The following STPG1 variants were observed in gnomAD, a reference collection of about 807,000 sequenced individuals.
The protein encoded by STPG1 is sperm tail PG-rich repeat containing 1, also known as O(6)-methylguanine-induced apoptosis 2.
In STPG1, 33 loss-of-function variants were observed where a neutral mutation model predicts 40.1. The ratio of observed to expected loss-of-function variants is 0.82; its 90% CI spans 0.62 to 1.10. STPG1 has a LOEUF of 1.10. Among genes scored for constraint, STPG1 ranks in the 50% least tolerant of loss-of-function variants. The pLI, the probability that STPG1 is intolerant of heterozygous loss-of-function variation, is 0.00. For missense variants in STPG1, 396 were observed against 415.1 expected, an observed-to-expected ratio of 0.95 and a Z score of 0.40; for synonymous variants, 150 against 155.0, an observed-to-expected ratio of 0.97 and a Z score of 0.24.
intron 1 of STPG1, among the ~76,000 whole-genome samples, chr1:24,405,177 C>T (rs183598511): frequency 3.0e-4 from 46 of 152,236 alleles, no homozygotes; most frequent in Non-Finnish European, 5.0e-4. Context: ...AGGCTGGTCT[C>T]GAACTCCTGA....
rs373502693 is a variant in STPG1, at chr1:24,385,318, T to C, written c.190-1315A>G. On this transcript the variant is annotated intron_variant, in intron 3 of 8. Transcript: ENST00000337248. Reference sequence around the variant, plus strand: ...TGGGAGGTGACGACAGGGGTGCTGATTCCTGCTTTAGGTGAGAATGATCCC... The same window carrying C: ...TGGGAGGTGACGACAGGGGTGCTGACTCCTGCTTTAGGTGAGAATGATCCC... 2.6e-5 allele frequency among the ~76,000 whole-genome samples: 4 copies of C among 152,352 alleles called. No homozygotes were observed. The East Asian group carries it at 5.8e-4, about 22-fold the overall frequency.
chr1:24,392,723 G>A (rs771554456), intron 2 of STPG1, among the ~76,000 whole-genome samples: 7 of 152,146 alleles, frequency 4.6e-5, no homozygotes, highest in Admixed American at 6.5e-5. Context: ...GTGTGGCACC[G>A]TAAGTCTTGA....
chr1:24,389,785 A>AATG (rs1230607383), intron 3 of STPG1, among the ~76,000 whole-genome samples: 3 of 152,198 alleles, frequency 2.0e-5, no homozygotes, highest in Non-Finnish European at 4.4e-5. Context: ...AAAGAGCCAA[A>AATG]CAGTTAAAAC....
intron 1 of STPG1, among the ~76,000 whole-genome samples, chr1:24,403,948 T>C (rs1009805488): frequency 2.0e-5 from 3 of 152,196 alleles, no homozygotes; most frequent in African/African-American, 7.2e-5. Flanking sequence ...CTTTTTATTG[T>C]AATACTGCAA....
intron 3 of STPG1, among the ~76,000 whole-genome samples, chr1:24,390,296 G>T (rs897727654): frequency 6.6e-6 from 1 of 152,164 alleles, no homozygotes; most frequent in East Asian, 1.9e-4. Context: ...AAATCCCAAA[G>T]ATTAAATAAG....
rs201740000 is a variant in STPG1, at chr1:24,373,768, G to A, written c.505C>T (p.Arg169Ter). Residue 169 changes from arginine to a stop codon, truncating the protein, a stop_gained, in exon 6 of 9, where the codon CGA becomes TGA. Coordinates refer to ENST00000337248, the MANE Select transcript of STPG1 (RefSeq NM_001199013.2). LOFTEE classifies it high-confidence loss of function. ...CCKQRNNVCTRAGFMSKTQRG... is the reference protein window; with the variant it reads ...CCKQRNNVCT Reference sequence around the variant, plus strand: ...TGGGTTTTTGACATAAACCCGGCTCGAGTACAGACGTTGTTTCTCTGCTTG... The same window carrying A: ...TGGGTTTTTGACATAAACCCGGCTCAAGTACAGACGTTGTTTCTCTGCTTG... 4 of 1,611,968 alleles carry A rather than the reference G, an allele frequency of 2.5e-6. No individual in the cohort carries two copies. The highest frequency in any genetic ancestry group is 3.4e-6 in the Non-Finnish European group (4 of 1,178,114).
intron 3 of STPG1, among the ~76,000 whole-genome samples, chr1:24,389,400 G>A (rs112741415): frequency 1.3e-5 from 2 of 152,238 alleles, no homozygotes; most frequent in African/African-American, 2.4e-5. Flanking sequence ...AAAGGCAGGT[G>A]TGGTGCAGTG....
In STPG1 at chr1:24,384,021, G is replaced by A; in HGVS notation, c.190-18C>T. ...ATATCATTCTGAAAGGGAAGAGAAG[G>A]TGGTGTCATCGAGATACTTCAATTC... is the stretch of plus-strand genomic sequence containing the variant. On this transcript the variant is annotated intron_variant, in intron 3 of 8. Coordinates refer to ENST00000337248, the MANE Select transcript of STPG1 (RefSeq NM_001199013.2). 2.0e-6 allele frequency: 3 copies of A among 1,501,430 alleles called. No homozygotes were observed. Among genetic ancestry groups the A allele is most frequent in the Non-Finnish European group, 2.8e-6 (3 of 1,077,266 alleles). 93.0% of individuals were successfully genotyped at this position (1,501,430 alleles called of 1,614,324 possible). A position where few individuals can be genotyped will look rare whatever the true frequency, so the allele number is the denominator to read the frequency against.
intron 7 of STPG1, among the ~76,000 whole-genome samples, chr1:24,364,953 T>A (rs1641359526): frequency 6.6e-6 from 1 of 152,178 alleles, no homozygotes; most frequent in African/African-American, 2.4e-5. Context: ...GGGGAAAGCA[T>A]CTGAGACCCT....
chr1:24,395,277 A>C (rs912469966), intron 2 of STPG1, among the ~76,000 whole-genome samples: 3 of 152,108 alleles, frequency 2.0e-5, no homozygotes, highest in African/African-American at 7.2e-5. Context: ...ATCATCAGCA[A>C]ATGGGAGCTA....
intron 2 of STPG1, among the ~76,000 whole-genome samples, chr1:24,397,278 A>T (rs544094): frequency 6.6e-6 from 1 of 152,084 alleles, no homozygotes; most frequent in Admixed American, 6.5e-5. Flanking sequence ...TTAAACAAGT[A>T]GATAGATCAG....
At position 24,378,081 on chromosome 1, in the gene STPG1, GCCC is replaced by G. The variant is rs1184505224; in HGVS notation, c.462+1569_462+1571del. 5.0e-3 allele frequency among the ~76,000 whole-genome samples: 768 copies of G among 152,206 alleles called. 6 individuals are homozygous for G. Among genetic ancestry groups the G allele is most frequent in the African/African-American group, 0.017 (715 of 41,496 alleles). Reference sequence around the variant, plus strand: ...AGGGAAGACTGCCTGGAGTTGGACTGCCCAGTATAGTAGCCACAGGTTGCATGT... The same window carrying G: ...AGGGAAGACTGCCTGGAGTTGGACTGAGTATAGTAGCCACAGGTTGCATGT... On this transcript the variant is annotated intron_variant, in intron 5 of 8. Coordinates refer to ENST00000337248, the MANE Select transcript of STPG1 (RefSeq NM_001199013.2).
At chr1:24,367,859 T>C (rs991390571) in intron 7 of STPG1, among the ~76,000 whole-genome samples, 7 of 152,046 alleles carry the variant, frequency 4.6e-5, no homozygotes, top group African/African-American at 9.7e-5. Flanking sequence ...CTTCATGGAA[T>C]CCCTACGAGA....
chr1:24,371,265 C>T (rs555186165), intron 6 of STPG1, among the ~76,000 whole-genome samples: 15 of 151,936 alleles, frequency 9.9e-5, no homozygotes, highest in East Asian at 1.9e-4. Context: ...AATGATGTTC[C>T]GAAAGGATTT....
chr1:24,410,524 G>A (rs186516375), intron 1 of STPG1, among the ~76,000 whole-genome samples: 256 of 152,288 alleles, frequency 1.7e-3, no homozygotes, highest in Admixed American at 2.8e-3. Flanking sequence ...CAGGAGAATC[G>A]CTTGAACCCA....
At position 24,361,005 on chromosome 1, in the gene STPG1, C is replaced by T. The variant is rs532555701; in HGVS notation, c.774G>A (p.Ser258=). 9 of 1,612,880 alleles carry T rather than the reference C, an allele frequency of 5.6e-6. No individual in the cohort carries two copies. Among genetic ancestry groups the T allele is most frequent in the South Asian group, 4.4e-5 (4 of 90,784 alleles). ...NPILNFSAQP[S]PLPPKPPFPG... Reference sequence around the variant, plus strand: ...GGAAAGGTGGCTTCGGAGGCAGAGGCGAAGGCTGAGCAGAGAAGTTCAGGA... The same window carrying T: ...GGAAAGGTGGCTTCGGAGGCAGAGGTGAAGGCTGAGCAGAGAAGTTCAGGA... Residue 258 remains serine (S), a synonymous_variant, in exon 8 of 9, where the codon TCG becomes TCA. Transcript: ENST00000337248.
chr1:24,364,378 C>A, intron 7 of STPG1: 1 of 1,532,692 alleles, frequency 6.5e-7, no homozygotes. Context: ...ATGACACACC[C>A]ACCTGGAGGA....
At chr1:24,400,681 A>G (rs971622789) in intron 2 of STPG1, among the ~76,000 whole-genome samples, 26 of 152,218 alleles carry the variant, frequency 1.7e-4, no homozygotes, top group African/African-American at 6.3e-4. Context: ...GGGGATCTCA[A>G]AATGAGGTTT....
rs370874765 is a variant in STPG1, at chr1:24,385,927, T to C, written c.190-1924A>G. The stretch of plus-strand genomic sequence containing the variant: ...GGAAAGCTGACACAGGAAGTGTCAC[T>C]GTGACTCTTCTAGGTTTAAATAGTA... On this transcript the variant is annotated intron_variant, in intron 3 of 8. Transcript: ENST00000337248. Among the ~76,000 whole-genome samples the C allele has an allele frequency of 3.3e-5, 5 of 152,306 alleles. No individual in the cohort carries two copies. In the East Asian group the frequency reaches 9.7e-4, roughly 29 times the overall value.
Sources: allele counts gnomAD v4.1 joint callset (sites outside exome capture counted in the v4.1 genomes callset), GRCh38; gene constraint gnomAD v4.1.1; transcripts MANE v1.5; gene names NCBI Gene and HGNC (gene_info 2026-07-23, HGNC 2026-07-21).